Variants in NKX2-6 observed in about 807,000 individuals in gnomAD.
NKX2-6 encodes homeobox protein Nkx-2.6.
In NKX2-6, 8 loss-of-function variants were observed where a neutral mutation model predicts 8.6. The ratio of observed to expected loss-of-function variants is 0.93; its 90% confidence interval spans 0.54 to 1.67. The LOEUF (loss-of-function observed/expected upper bound fraction) is 1.67, where lower values mean the gene tolerates loss of function less well. NKX2-6 is among the 40% of genes most tolerant of loss of function. The pLI is 0.00. For synonymous variants in NKX2-6, 210 were observed against 199.3 expected, an observed-to-expected ratio of 1.05 and a Z score of -0.45; for missense variants, 475 against 423.1, an observed-to-expected ratio of 1.12 and a Z score of -1.08.
At chr8:23,706,270 ACGCCCC>A in intron 1 of NKX2-6, 49 bp downstream of exon 1, 1 of 1,466,778 alleles carries the variant, frequency 6.8e-7, no homozygotes, top group Non-Finnish European at 9.1e-7. Flanking sequence ...CCCATGGATC[ACGCCCC>A]CGCCCCCACA....
At chr8:23,703,422 C>A (rs1801040968) in intron 1 of NKX2-6, among the ~76,000 whole-genome samples, 1 of 151,900 alleles carries the variant, frequency 6.6e-6, no homozygotes, top group Non-Finnish European at 1.5e-5. Flanking sequence ...ATGGGCCGGG[C>A]GCAGTGGCTC....
At position 23,703,002 on chromosome 8, in the gene NKX2-6, C is replaced by T. The variant is rs1353742208; in HGVS notation, c.355G>A (p.Val119Met). 2 of 1,540,598 alleles carry T rather than the reference C, an allele frequency of 1.3e-6. No homozygotes were observed. Among genetic ancestry groups the T allele is most frequent in the African/African-American group, 1.4e-5 (1 of 72,886 alleles). The change falls in exon 2 of 2, where the codon GTG becomes ATG. Residue 119 changes from valine to methionine, a missense_variant. Physicochemically the swap from Val to Met is conservative, Grantham distance 21. Coordinates refer to ENST00000325017, the MANE Select transcript of NKX2-6 (RefSeq NM_001136271.3). ...ERGVGNSGDS[V>M]RGGRSEQPKA... ...GGCTGCTCCGAGCGGCCACCCCGCACGCTGTCGCCGCTGTTGCCAACGCCG... is the reference window on the plus strand; with the variant it reads ...GGCTGCTCCGAGCGGCCACCCCGCATGCTGTCGCCGCTGTTGCCAACGCCG...
chr8:23,702,544 T>C lies in NKX2-6; in HGVS notation c.813A>G (p.Thr271=), dbSNP rs1801020647. ...AGAPSGPAPH[T]PLASAGFGHG... The stretch of plus-strand genomic sequence containing the variant: ...GTCCGAAGCCCGCGCTGGCCAGTGG[T>C]GTGTGTGGCGCAGGACCCGAGGGCG... Residue 271 remains threonine (T), a synonymous_variant, in exon 2 of 2, where the codon ACA becomes ACG. Coordinates refer to ENST00000325017, the MANE Select transcript of NKX2-6 (RefSeq NM_001136271.3). 1.9e-6 allele frequency: 3 copies of C among 1,541,896 alleles called. No individual in the cohort carries two copies. Among genetic ancestry groups the C allele is most frequent in the Non-Finnish European group, 8.7e-7 (1 of 1,145,488 alleles).
rs1468257137 is a variant in NKX2-6 at position 23,706,314 on chromosome 8, C to T, written c.274+11G>A. The T allele has an allele frequency of 6.5e-7, 1 of 1,539,218 alleles. No individual in the cohort carries two copies. Among genetic ancestry groups the T allele is most frequent in the Non-Finnish European group, 8.8e-7 (1 of 1,139,332 alleles). On this transcript the variant is annotated intron_variant, in intron 1 of 1. Transcript: ENST00000325017. Reference sequence around the variant, plus strand: ...CCCCCCGTAGGAGGCAAGACCTGAGCGCTTACTCACGTGGCTCCCCCATCC... The same window carrying T: ...CCCCCCGTAGGAGGCAAGACCTGAGTGCTTACTCACGTGGCTCCCCCATCC...
chr8:23,703,191 G>A, intron 1 of NKX2-6, 109 bp from the exon 2 acceptor site: 2 of 1,303,180 alleles, frequency 1.5e-6, no homozygotes, highest in Non-Finnish European at 2.0e-6. Flanking sequence ...CTCTGCGCAG[G>A]CTCCTCCTCC....
chr8:23,702,852 G>T lies in NKX2-6; in HGVS notation c.505C>A (p.Leu169Met). 6.4e-7 allele frequency: 1 copy of T among 1,568,954 alleles called. No individual in the cohort carries two copies. The highest frequency in any genetic ancestry group is 8.6e-7 in the Non-Finnish European group (1 of 1,156,642). Residue 169 changes from leucine (L) to methionine (M), a missense_variant, in exon 2 of 2, where the codon CTG (leucine) becomes ATG (methionine). Physicochemically the swap from Leu to Met is conservative, Grantham distance 15. Coordinates refer to ENST00000325017, the MANE Select transcript of NKX2-6 (RefSeq NM_001136271.3). Reference protein sequence around the residue: ...APEREHLASALQLTSTQVKIW... With the variant: ...APEREHLASAMQLTSTQVKIW... The stretch of plus-strand genomic sequence containing the variant: ...TTGACCTGCGTGGACGTGAGCTGCA[G>T]CGCGCTGGCCAGGTGCTCGCGCTCG...
At chr8:23,703,702 C>A (rs1352046585) in intron 1 of NKX2-6, among the ~76,000 whole-genome samples, 4 of 47,396 alleles carry the variant, frequency 8.4e-5, no homozygotes, top group East Asian at 1.2e-3. Context: ...TCTCAAAAAA[C>A]AAACAAACAA....
Position 23,701,796 on chromosome 8 carries a change from C to A in NKX2-6, c.*655G>T, listed in dbSNP as rs1801009776. Among the ~76,000 whole-genome samples the A allele has an allele frequency of 6.6e-6, 1 of 152,146 alleles. No individual in the cohort carries two copies. The highest frequency in any genetic ancestry group is 1.5e-5 in the Non-Finnish European group (1 of 68,032). The stretch of plus-strand genomic sequence containing the variant: ...CTGTACAAAGAGATAAAATGCACAA[C>A]AGTGAAAGGGACCAGAATGTAGAGC... On this transcript the variant is annotated 3_prime_UTR_variant, in exon 2 of 2. Transcript: ENST00000325017.
intron 1 of NKX2-6, among the ~76,000 whole-genome samples, chr8:23,703,731 A>AC (rs1801047388): frequency 2.0e-5 from 3 of 151,804 alleles, no homozygotes; most frequent in Admixed American, 1.3e-4. Flanking sequence ...CAAACAAAAA[A>AC]AAAACTGTGT....
intron 1 of NKX2-6, 135 bp downstream of exon 1, chr8:23,706,190 T>G: frequency 1.1e-6 from 1 of 947,920 alleles, no homozygotes; most frequent in Non-Finnish European, 1.5e-6. Flanking sequence ...GAGGCCTTTT[T>G]TTGGACTCCT....
Position 23,706,616 on chromosome 8 carries a change from C to T in NKX2-6, c.-18G>A. On this transcript the variant is annotated 5_prime_UTR_variant, in exon 1 of 2. Transcript: ENST00000325017. ...AGCAGCATCCCGAAGGCGGATGGGGCGGGGCCGAGGAGGTCCGGGTGAGGA... is the reference window on the plus strand; with the variant it reads ...AGCAGCATCCCGAAGGCGGATGGGGTGGGGCCGAGGAGGTCCGGGTGAGGA... The T allele has an allele frequency of 6.5e-7, 1 of 1,529,188 alleles. No homozygotes were observed. The highest frequency in any genetic ancestry group is 1.2e-5 in the South Asian group (1 of 83,252). 94.7% of individuals were successfully genotyped at this position (1,529,188 alleles called of 1,614,324 possible). A position where few individuals can be genotyped will look rare whatever the true frequency, so the allele number is the denominator to read the frequency against.
Position 23,706,485 on chromosome 8 carries a change from C to T in NKX2-6, c.114G>A (p.Pro38=), listed in dbSNP as rs1240406436. 4 of 1,540,576 alleles carry T rather than the reference C, an allele frequency of 2.6e-6. No homozygotes were observed. The highest frequency in any genetic ancestry group is 2.0e-5 in the Admixed American group (1 of 50,988). Residue 38 remains proline (P), a synonymous_variant, in exon 1 of 2, where the codon CCG becomes CCA. Transcript: ENST00000325017. ...ASPHPRVRKS[P]ENFQYLRMDA... The stretch of plus-strand genomic sequence containing the variant: ...CCATTCTCAGGTACTGAAAGTTTTC[C>T]GGGCTCTTCCGCACCCGCGGATGTG...
intron 1 of NKX2-6, among the ~76,000 whole-genome samples, chr8:23,704,701 C>T (rs1467205132): frequency 6.6e-6 from 1 of 152,134 alleles, no homozygotes; most frequent in Non-Finnish European, 1.5e-5. Flanking sequence ...CTGAGGCCAT[C>T]TCCACTTGCA....
In NKX2-6 at chr8:23,706,613, G is replaced by A. The variant is rs1801097158; in HGVS notation, c.-15C>T. 2 of 1,530,518 alleles carry A rather than the reference G, an allele frequency of 1.3e-6. No individual in the cohort carries two copies. The highest frequency in any genetic ancestry group is 1.2e-5 in the South Asian group (1 of 83,528). 94.8% of individuals were successfully genotyped at this position (1,530,518 alleles called of 1,614,324 possible). ...CTCAGCAGCATCCCGAAGGCGGATG[G>A]GGCGGGGCCGAGGAGGTCCGGGTGA... On this transcript the variant is annotated 5_prime_UTR_variant, in exon 1 of 2. Transcript: ENST00000325017.
At chr8:23,705,893 G>A (rs1801082499) in intron 1 of NKX2-6, among the ~76,000 whole-genome samples, 1 of 152,222 alleles carries the variant, frequency 6.6e-6, no homozygotes, top group African/African-American at 2.4e-5. Flanking sequence ...GGGTTCCACT[G>A]CTTTGATGGC....
chr8:23,703,005 T>G lies in NKX2-6; in HGVS notation c.352A>C (p.Ser118Arg). Reference protein sequence around the residue: ...PERGVGNSGDSVRGGRSEQPK... With the variant: ...PERGVGNSGDRVRGGRSEQPK... ...TGCTCCGAGCGGCCACCCCGCACGC[T>G]GTCGCCGCTGTTGCCAACGCCGCGC... The change falls in exon 2 of 2, where the codon AGC becomes CGC. Residue 118 changes from serine (S) to arginine (R), a missense_variant. Physicochemically the swap from Ser to Arg is moderately radical, Grantham distance 110. Transcript: ENST00000325017. 6.5e-7 allele frequency: 1 copy of G among 1,540,916 alleles called. No individual in the cohort carries two copies. Among genetic ancestry groups the G allele is most frequent in the Non-Finnish European group, 8.7e-7 (1 of 1,145,410 alleles).
rs1360009539 is a variant in NKX2-6 at position 23,706,316 on chromosome 8, C to T, written c.274+9G>A. On this transcript the variant is annotated intron_variant, in intron 1 of 1. Coordinates refer to ENST00000325017, the MANE Select transcript of NKX2-6 (RefSeq NM_001136271.3). ...CCCCGTAGGAGGCAAGACCTGAGCGCTTACTCACGTGGCTCCCCCATCCGT... is the reference window on the plus strand; with the variant it reads ...CCCCGTAGGAGGCAAGACCTGAGCGTTTACTCACGTGGCTCCCCCATCCGT... 6.5e-7 allele frequency: 1 copy of T among 1,542,048 alleles called. No homozygotes were observed. Among genetic ancestry groups the T allele is most frequent in the South Asian group, 1.2e-5 (1 of 83,208 alleles).
intron 1 of NKX2-6, among the ~76,000 whole-genome samples, chr8:23,704,708 T>G (rs1438785112): frequency 6.6e-6 from 1 of 151,962 alleles, no homozygotes; most frequent in Non-Finnish European, 1.5e-5. Flanking sequence ...CATCTCCACT[T>G]GCAAAGAGGA....
chr8:23,703,122 G>T, intron 1 of NKX2-6, 40 bp from the exon 2 acceptor site: 1 of 1,523,520 alleles, frequency 6.6e-7, no homozygotes, highest in South Asian at 1.2e-5. Flanking sequence ...CCCAGCCTAA[G>T]GCTCACCTGA....
Sources: gnomAD v4.1 joint callset for allele counts (sites outside exome capture counted in the v4.1 genomes callset) on GRCh38, gnomAD v4.1.1 for gene constraint, MANE v1.5 for transcripts, NCBI Gene and HGNC (gene_info 2026-07-23, HGNC 2026-07-21) for gene names.